GLT8D2: variants seen among roughly 807,000 people sequenced by gnomAD.
GLT8D2 encodes glycosyltransferase 8 domain-containing protein 2.
In GLT8D2, 45 loss-of-function variants were observed where a neutral mutation model predicts 44.5. The observed-to-expected ratio is 1.01, with a 90% CI of 0.80 to 1.30. The LOEUF (loss-of-function observed/expected upper bound fraction) is 1.30, where lower values mean the gene tolerates loss of function less well. Ranked by LOEUF, GLT8D2 falls within the 50% of genes most tolerant of loss-of-function variation. GLT8D2 has a pLI of 0.00. For synonymous variants in GLT8D2, 156 were observed against 157.2 expected (o/e 0.99, Z 0.06); for missense variants, 400 against 430.4 (o/e 0.93, Z 0.62).
At chr12:104,034,565 C>T (rs575291971) in intron 1 of GLT8D2, among the ~76,000 whole-genome samples, 3 of 152,356 alleles carry the variant, frequency 2.0e-5, no homozygotes, top group Admixed American at 6.5e-5. Context: ...GATCGACCTG[C>T]GAGGCAGCAG....
chr12:104,040,995 G>A lies in GLT8D2; in HGVS notation c.-164+8900C>T, dbSNP rs566999227. On this transcript the variant is annotated intron_variant, in intron 1 of 10. Coordinates refer to ENST00000360814, the MANE Select transcript of GLT8D2 (RefSeq NM_001384711.1). ...CTAAAAATGCTAAGGGGCTGGGCAC[G>A]GTGGCTCACGCCTGTAATCCCAGCA... 8.5e-5 allele frequency among the ~76,000 whole-genome samples: 13 copies of A among 152,274 alleles called. No individual in the cohort carries two copies. In the South Asian group the frequency reaches 2.3e-3, roughly 27 times the overall value.
At chr12:104,006,927 A>T (rs1875093018) in intron 4 of GLT8D2, among the ~76,000 whole-genome samples, 1 of 152,140 alleles carries the variant, frequency 6.6e-6, no homozygotes, top group South Asian at 2.1e-4. Flanking sequence ...CTCTTCCCTG[A>T]ATCAGAATAT....
intron 4 of GLT8D2, among the ~76,000 whole-genome samples, chr12:104,004,542 T>C (rs920951944): frequency 3.3e-5 from 5 of 152,114 alleles, no homozygotes; most frequent in African/African-American, 7.2e-5. Flanking sequence ...TCTCAGGATA[T>C]AAAATCAATG....
At chr12:104,032,466 C>CAAAAAAAAAAAAA (rs547392677) in intron 1 of GLT8D2, among the ~76,000 whole-genome samples, 22 of 59,660 alleles carry the variant, frequency 3.7e-4, no homozygotes, top group African/African-American at 1.2e-3. Flanking sequence ...TGTGCAATAG[C>CAAAAAAAAAAAAA]AAAAAAAAAA....
chr12:104,005,527 A>T lies in GLT8D2; in HGVS notation c.113-2221T>A, dbSNP rs148987487. ...CCAGAATCGACAAAGAACTCAAACA[A>T]ATTTACAAGAAAAAAACAAACAACC... On this transcript the variant is annotated intron_variant, in intron 4 of 10. Coordinates refer to ENST00000360814, the MANE Select transcript of GLT8D2 (RefSeq NM_001384711.1). Among the ~76,000 whole-genome samples, 650 of 152,330 alleles carry T rather than the reference A, an allele frequency of 4.3e-3. 5 individuals carry two copies. Among genetic ancestry groups the T allele is most frequent in the East Asian group, 0.041 (214 of 5,186 alleles).
chr12:104,006,966 T>C (rs1419934444), intron 4 of GLT8D2, among the ~76,000 whole-genome samples: 1 of 152,326 alleles, frequency 6.6e-6, no homozygotes, highest in East Asian at 1.9e-4. Context: ...TATAAGATAC[T>C]GGTTGTGATT....
intron 4 of GLT8D2, chr12:104,014,282 G>C (rs1052813460): frequency 1.4e-6 from 1 of 700,782 alleles, no homozygotes; most frequent in Non-Finnish European, 2.6e-6. Context: ...TTGAGCCCTG[G>C]AGGTCGAGGC....
rs375684253 is a variant in GLT8D2, at chr12:103,999,146, C to T, written c.402+251G>A. 1.4e-3 allele frequency among the ~76,000 whole-genome samples: 215 copies of T among 152,268 alleles called. 4 individuals carry two copies. The South Asian group carries it at 0.042, about 30-fold the overall frequency. Reference sequence around the variant, plus strand: ...TCCCACCCCCACAGACATATTCACACCCATAAATGCATTCTACATTTTTTT... The same window carrying T: ...TCCCACCCCCACAGACATATTCACATCCATAAATGCATTCTACATTTTTTT... On this transcript the variant is annotated intron_variant, in intron 6 of 10. Transcript: ENST00000360814.
At chr12:104,013,236 T>C (rs979577954) in intron 4 of GLT8D2, among the ~76,000 whole-genome samples, 14 of 152,222 alleles carry the variant, frequency 9.2e-5, no homozygotes, top group African/African-American at 3.1e-4. Flanking sequence ...AGGCAACCAC[T>C]GATCTGCTCT....
intron 4 of GLT8D2, among the ~76,000 whole-genome samples, chr12:104,008,835 C>T (rs181330759): frequency 1.3e-5 from 2 of 152,394 alleles, no homozygotes; most frequent in East Asian, 3.9e-4. Context: ...AGGGCTTGCG[C>T]CATGGCTTCA....
intron 3 of GLT8D2, among the ~76,000 whole-genome samples, chr12:104,016,359 G>A (rs1047202481): frequency 5.3e-5 from 8 of 151,528 alleles, no homozygotes; most frequent in Admixed American, 1.3e-4. Context: ...TGTGCAGGCC[G>A]GGTGTGGTGG....
chr12:103,999,557 C>G (rs1177382430), intron 5 of GLT8D2, 43 bp from the exon 6 acceptor site: 1 of 1,190,054 alleles, frequency 8.4e-7, no homozygotes, highest in Non-Finnish European at 1.3e-6. Context: ...CCCTTCAATT[C>G]TTTCCTCCAT....
In GLT8D2 at chr12:104,021,986, A is replaced by G. The variant is rs1452735621; in HGVS notation, c.-163-495T>C. On this transcript the variant is annotated intron_variant, in intron 1 of 10. Transcript: ENST00000360814. The stretch of plus-strand genomic sequence containing the variant: ...AAGAGGAAGAGGAAGAGGAAGAGGA[A>G]GAAGAAGAAGAAGAAGAAGAAGAAG... Among the ~76,000 whole-genome samples, 4 of 45,334 alleles carry G rather than the reference A, an allele frequency of 8.8e-5. 1 individual carries two copies. Among genetic ancestry groups the G allele is most frequent in the South Asian group, 8.7e-4 (1 of 1,154 alleles). 29.7% of individuals were successfully genotyped at this position (45,334 alleles called of 152,430 possible). A position where few individuals can be genotyped will look rare whatever the true frequency, so the allele number is the denominator to read the frequency against.
chr12:104,011,092 C>T (rs2136327841), intron 4 of GLT8D2, among the ~76,000 whole-genome samples: 1 of 152,342 alleles, frequency 6.6e-6, no homozygotes. Context: ...TAACTTAAGC[C>T]AAAAATACTG....
At chr12:104,062,488 A>G (rs1310228297) in intron 1 of GLT8D2, among the ~76,000 whole-genome samples, 1 of 152,198 alleles carries the variant, frequency 6.6e-6, no homozygotes, top group Non-Finnish European at 1.5e-5. Context: ...CATATAAGAG[A>G]AATTGAAAAT....
intron 2 of GLT8D2, among the ~76,000 whole-genome samples, 159 bp from the exon 3 acceptor site, chr12:104,019,835 A>G (rs540366680): frequency 1.3e-5 from 2 of 152,348 alleles, no homozygotes; most frequent in Admixed American, 6.5e-5. Context: ...CAAAATAAAT[A>G]CTAGCCCATG....
chr12:104,038,382 G>A (rs1463977132), intron 1 of GLT8D2, among the ~76,000 whole-genome samples: 2 of 152,118 alleles, frequency 1.3e-5, no homozygotes, highest in Non-Finnish European at 2.9e-5. Flanking sequence ...ACATGATTGT[G>A]CATTTAGAAA....
chr12:103,995,667 T>C (rs1282419225), intron 8 of GLT8D2, among the ~76,000 whole-genome samples: 1 of 152,242 alleles, frequency 6.6e-6, no homozygotes, highest in African/African-American at 2.4e-5. Flanking sequence ...TACTAGTACC[T>C]AAAACAGTGT....
chr12:103,997,950 C>T (rs6539115), intron 6 of GLT8D2, among the ~76,000 whole-genome samples: 45,277 of 146,958 alleles, frequency 0.31, 7,539 homozygotes, highest in Non-Finnish European at 0.37. Context: ...CACACACACA[C>T]ACACACGTGT....
Sources: allele counts gnomAD v4.1 joint callset (sites outside exome capture counted in the v4.1 genomes callset), GRCh38; gene constraint gnomAD v4.1.1; transcripts MANE v1.5; gene names NCBI Gene and HGNC (gene_info 2026-07-23, HGNC 2026-07-21).